Variants in ZNF503 observed in about 807,000 individuals in gnomAD.
ZNF503 encodes the protein NocA-like zinc finger 2.
ZNF503 carries 15 observed loss-of-function variants against 34.4 expected under a neutral mutation model. The ratio of observed to expected loss-of-function variants is 0.44; its 90% CI spans 0.29 to 0.67. The LOEUF (loss-of-function observed/expected upper bound fraction) is 0.67, where lower values mean the gene tolerates loss of function less well. Ranked by LOEUF, ZNF503 falls within the 30% of genes least tolerant of loss-of-function variation. The probability of loss-of-function intolerance (pLI) is 0.13; values close to 1 mark genes in which losing one functional copy is unlikely to be tolerated. For synonymous variants in ZNF503, 580 were observed against 456.8 expected (o/e 1.27, Z -3.44); for missense variants, 1,007 against 926.8 (o/e 1.09, Z -1.12).
chr10:75,392,683 C>A, the ZNF503 span, among the ~76,000 whole-genome samples: 1 of 152,260 alleles, frequency 6.6e-6, no homozygotes, highest in Non-Finnish European at 1.5e-5. Context: ...TGATTACAGG[C>A]ACCCTGATGG....
the ZNF503 span, among the ~76,000 whole-genome samples, chr10:75,357,324 T>G: frequency 1.3e-5 from 2 of 151,126 alleles, no homozygotes; most frequent in African/African-American, 4.9e-5. Context: ...TCAAGATTAG[T>G]TTAGGAAACA....
At chr10:75,332,066 G>A in the ZNF503 span, among the ~76,000 whole-genome samples, 2 of 151,826 alleles carry the variant, frequency 1.3e-5, no homozygotes, top group Non-Finnish European at 1.5e-5. Context: ...TGTTTTTAAA[G>A]GTTTTTCTTT....
At chr10:75,292,763 A>G in the ZNF503 span, among the ~76,000 whole-genome samples, 7 of 152,222 alleles carry the variant, frequency 4.6e-5, no homozygotes, top group Admixed American at 1.3e-4. Context: ...CTCAGGGAAC[A>G]GGCAAGTCCA....
chr10:75,369,537 G>A, the ZNF503 span, among the ~76,000 whole-genome samples: 13 of 152,128 alleles, frequency 8.5e-5, no homozygotes, highest in African/African-American at 3.1e-4. Flanking sequence ...ATGATTGTAA[G>A]TTTCTTGAGG....
the ZNF503 span, among the ~76,000 whole-genome samples, chr10:75,328,250 A>C: frequency 6.6e-6 from 1 of 151,972 alleles, no homozygotes; most frequent in Non-Finnish European, 1.5e-5. Flanking sequence ...GTAAGTCTTT[A>C]ATTTATTTTA....
chr10:75,355,613 C>A, the ZNF503 span, among the ~76,000 whole-genome samples: 1 of 152,156 alleles, frequency 6.6e-6, no homozygotes, highest in East Asian at 1.9e-4. Context: ...GATAACAGTG[C>A]TTGGGAATTT....
At chr10:75,289,205 C>A in the ZNF503 span, among the ~76,000 whole-genome samples, 1 of 152,046 alleles carries the variant, frequency 6.6e-6, no homozygotes, top group South Asian at 2.1e-4. Flanking sequence ...GGTTTTGAAT[C>A]GTAATAAAAT....
the ZNF503 span, among the ~76,000 whole-genome samples, chr10:75,380,652 T>C: frequency 6.6e-6 from 1 of 152,160 alleles, no homozygotes; most frequent in Non-Finnish European, 1.5e-5. Context: ...TCAAAGAGGA[T>C]ATGAAACTGC....
the ZNF503 span, among the ~76,000 whole-genome samples, chr10:75,385,328 A>G: frequency 6.6e-6 from 1 of 152,218 alleles, no homozygotes; most frequent in Non-Finnish European, 1.5e-5. Context: ...CTGCTACAAG[A>G]AAAAGAGTCT....
the ZNF503 span, among the ~76,000 whole-genome samples, chr10:75,312,860 T>C: frequency 2.6e-5 from 4 of 152,190 alleles, no homozygotes; most frequent in African/African-American, 7.2e-5. Context: ...GTAATACCCA[T>C]GTGTCAAGGG....
chr10:75,355,430 G>A, the ZNF503 span, among the ~76,000 whole-genome samples: 2 of 152,150 alleles, frequency 1.3e-5, no homozygotes, highest in Non-Finnish European at 2.9e-5. Context: ...TCCTGCAAGA[G>A]AGACACTAGG....
At chr10:75,342,243 G>A in the ZNF503 span, among the ~76,000 whole-genome samples, 1 of 152,118 alleles carries the variant, frequency 6.6e-6, no homozygotes, top group African/African-American at 2.4e-5. Context: ...TTTAGAAAAA[G>A]GAGTCCCTTC....
chr10:75,381,039 C>T, the ZNF503 span, among the ~76,000 whole-genome samples: 1 of 152,208 alleles, frequency 6.6e-6, no homozygotes, highest in Admixed American at 6.5e-5. Context: ...GCCCTCCAAT[C>T]TCCATTCCTT....
At chr10:75,309,301 T>C in the ZNF503 span, among the ~76,000 whole-genome samples, 1 of 152,234 alleles carries the variant, frequency 6.6e-6, no homozygotes, top group Non-Finnish European at 1.5e-5. Context: ...GAGAATTGAC[T>C]CTAACTCTGT....
At chr10:75,307,576 C>T in the ZNF503 span, among the ~76,000 whole-genome samples, 1 of 152,214 alleles carries the variant, frequency 6.6e-6, no homozygotes, top group South Asian at 2.1e-4. Flanking sequence ...AAAGTGGTTA[C>T]ACTAAACAAC....
At chr10:75,346,200 C>T in the ZNF503 span, among the ~76,000 whole-genome samples, 2 of 152,206 alleles carry the variant, frequency 1.3e-5, no homozygotes, top group South Asian at 2.1e-4. Context: ...CAGATGGCTT[C>T]GGTTTGTGTT....
the ZNF503 span, among the ~76,000 whole-genome samples, chr10:75,318,844 CCT>C: frequency 3.3e-5 from 5 of 151,866 alleles, no homozygotes. Flanking sequence ...AGGCTTTCCT[CCT>C]CTTTTTAAAA....
chr10:75,393,790 C>T (rs962668369), downstream of ZNF503, among the ~76,000 whole-genome samples: 2 of 151,792 alleles, frequency 1.3e-5, no homozygotes, highest in African/African-American at 4.8e-5. Flanking sequence ...ACCCGGGAGG[C>T]AGAGGTTGCA....
the ZNF503 span, among the ~76,000 whole-genome samples, chr10:75,365,596 G>C: frequency 3.9e-5 from 6 of 152,166 alleles, no homozygotes; most frequent in Non-Finnish European, 7.3e-5. Context: ...CTTCATCCCT[G>C]GGTTCCAGAC....
Sources: allele counts gnomAD v4.1 joint callset (sites outside exome capture counted in the v4.1 genomes callset), GRCh38; gene constraint gnomAD v4.1.1; transcripts MANE v1.5; gene names NCBI Gene and HGNC (gene_info 2026-07-23, HGNC 2026-07-21).